Variants in SFXN1 observed in about 807,000 individuals in gnomAD.
SFXN1 encodes the protein sideroflexin 1.
In SFXN1, 32 loss-of-function variants were observed where a neutral mutation model predicts 39.5. The observed-to-expected ratio is 0.81, with a 90% CI of 0.61 to 1.09. The LOEUF (loss-of-function observed/expected upper bound fraction) is 1.09, where lower values mean the gene tolerates loss of function less well. SFXN1 is among the 50% of genes least tolerant of loss of function. The pLI, the probability that SFXN1 is intolerant of heterozygous loss-of-function variation, is 0.00. For synonymous variants in SFXN1, 136 were observed against 146.5 expected (o/e 0.93, Z 0.52); for missense variants, 402 against 407.1 (o/e 0.99, Z 0.11).
chr5:175,480,544 A>G (rs1759204496), intron 1 of SFXN1, among the ~76,000 whole-genome samples: 2 of 152,236 alleles, frequency 1.3e-5, no homozygotes, highest in South Asian at 4.1e-4. Context: ...GTTGTCAGAG[A>G]GGACCCTATA....
At chr5:175,513,175 C>T (rs116236863) in intron 6 of SFXN1, among the ~76,000 whole-genome samples, 10,965 of 151,830 alleles carry the variant, frequency 0.072, 481 homozygotes, top group Admixed American at 0.11. Context: ...TGTCACATGC[C>T]TGTAATTCTA....
At chr5:175,515,445 A>C (rs1760684411) in intron 7 of SFXN1, among the ~76,000 whole-genome samples, 1 of 152,200 alleles carries the variant, frequency 6.6e-6, no homozygotes, top group South Asian at 2.1e-4. Flanking sequence ...GAAGAAATAC[A>C]ATCTTTCTGT....
At chr5:175,489,944 C>G (rs143661140) in intron 1 of SFXN1, among the ~76,000 whole-genome samples, 39 of 152,328 alleles carry the variant, frequency 2.6e-4, no homozygotes, top group African/African-American at 9.1e-4. Flanking sequence ...CGGTGGAGAT[C>G]TGATAGAGAT....
At chr5:175,522,078 C>G in intron 9 of SFXN1, 110 bp downstream of exon 9, 1 of 884,814 alleles carries the variant, frequency 1.1e-6, no homozygotes. Context: ...GAGGCCATCT[C>G]AGAACATCTG....
intron 8 of SFXN1, among the ~76,000 whole-genome samples, chr5:175,519,864 CTTTT>C (rs369561037): frequency 9.1e-5 from 7 of 77,282 alleles, no homozygotes; most frequent in Middle Eastern, 0.013. Flanking sequence ...GGGTTTTTTG[CTTTT>C]TTTTTTTTTT....
intron 7 of SFXN1, among the ~76,000 whole-genome samples, chr5:175,515,365 T>A (rs60793167): frequency 0.093 from 14,214 of 152,172 alleles, 844 homozygotes; most frequent in East Asian, 0.15. Flanking sequence ...CCTCTTAGAG[T>A]TCAGCCAGTC....
chr5:175,500,429 CACACACACACACACACACACACACAA>C (rs914800142), intron 2 of SFXN1, among the ~76,000 whole-genome samples: 1 of 150,768 alleles, frequency 6.6e-6, no homozygotes, highest in African/African-American at 2.4e-5. Flanking sequence ...CACACACACA[CACACACACACACACACACACACACAA>C]ATTACAGAGA....
intron 2 of SFXN1, among the ~76,000 whole-genome samples, chr5:175,501,393 G>A (rs912927729): frequency 2.6e-5 from 4 of 151,982 alleles, no homozygotes; most frequent in African/African-American, 9.7e-5. Flanking sequence ...TCTTAGATAA[G>A]ATATAAGAAT....
intron 3 of SFXN1, 113 bp from the exon 4 acceptor site, chr5:175,509,996 C>A (rs956481216): frequency 1.3e-6 from 1 of 795,768 alleles, no homozygotes; most frequent in East Asian, 2.7e-5. Context: ...GGCCTTATGG[C>A]TTTCTCCCTT....
chr5:175,526,381 C>A (rs1283301696), intron 10 of SFXN1, among the ~76,000 whole-genome samples: 1 of 152,068 alleles, frequency 6.6e-6, no homozygotes, highest in Non-Finnish European at 1.5e-5. Context: ...CTCTTGCCGG[C>A]AATAAGAGAT....
At chr5:175,523,173 A>C (rs1319356991) in intron 10 of SFXN1, 2 of 152,148 alleles carry the variant, frequency 1.3e-5, no homozygotes, top group Non-Finnish European at 2.9e-5. Context: ...AGATCCCTCT[A>C]CCTGATCGAG....
chr5:175,490,133 C>T (rs560884832), intron 1 of SFXN1, among the ~76,000 whole-genome samples: 2 of 152,304 alleles, frequency 1.3e-5, no homozygotes, highest in South Asian at 4.2e-4. Flanking sequence ...GGCCAGCTTT[C>T]TATGTCAAGA....
At chr5:175,521,800 C>CT (rs1760886651) in intron 8 of SFXN1, 119 bp from the exon 9 acceptor site, 3 of 777,464 alleles carry the variant, frequency 3.9e-6, no homozygotes, top group Non-Finnish European at 6.1e-6. Flanking sequence ...CCAAATTTCA[C>CT]TAACCATGTT....
chr5:175,501,717 A>G (rs573243104), intron 2 of SFXN1, among the ~76,000 whole-genome samples: 4 of 152,302 alleles, frequency 2.6e-5, no homozygotes, highest in African/African-American at 9.6e-5. Flanking sequence ...AATAGCAAGT[A>G]AGCATATGGA....
chr5:175,482,443 G>T lies in SFXN1; in HGVS notation c.-10+3804G>T, dbSNP rs549744471. Among the ~76,000 whole-genome samples the T allele has an allele frequency of 2.0e-5, 3 of 152,240 alleles. No individual in the cohort carries two copies. In the East Asian group the frequency reaches 5.8e-4, roughly 29 times the overall value. On this transcript the variant is annotated intron_variant, in intron 1 of 10. Transcript: ENST00000321442. ...CAGCAGTTAAGCATTTTCTTAGCAT[G>T]CAGCTAAAAATTTGAAATAAAATTT...
At chr5:175,492,501 T>C (rs1759697047) in intron 2 of SFXN1, 6 of 359,134 alleles carry the variant, frequency 1.7e-5, no homozygotes, top group Non-Finnish European at 3.0e-5. Flanking sequence ...TCATCCCTCT[T>C]AGTTGTAGAT....
chr5:175,509,338 T>A (rs1508760), intron 3 of SFXN1, 136 bp downstream of exon 3: 18 of 780,670 alleles, frequency 2.3e-5, no homozygotes, highest in Non-Finnish European at 3.3e-5. Flanking sequence ...ATTAGCTTGA[T>A]TGAATCATTC....
intron 2 of SFXN1, among the ~76,000 whole-genome samples, chr5:175,504,204 A>C (rs1006058413): frequency 1.3e-5 from 2 of 152,144 alleles, no homozygotes; most frequent in Non-Finnish European, 2.9e-5. Context: ...CCAGGAGTGA[A>C]AATAAAGCTG....
chr5:175,510,354 C>CT, intron 4 of SFXN1, 147 bp downstream of exon 4: 1 of 672,408 alleles, frequency 1.5e-6, no homozygotes, highest in Non-Finnish European at 2.5e-6. Flanking sequence ...TAGCTTTTTT[C>CT]TTTTTTAAAG....
Sources: allele counts gnomAD v4.1 joint callset (sites outside exome capture counted in the v4.1 genomes callset), GRCh38; gene constraint gnomAD v4.1.1; transcripts MANE v1.5; gene names NCBI Gene and HGNC (gene_info 2026-07-23, HGNC 2026-07-21).